FAM13C: variants seen among roughly 807,000 people sequenced by gnomAD.
The protein encoded by FAM13C is family with sequence similarity 13 member C.
In FAM13C, 37 loss-of-function variants were observed where a neutral mutation model predicts 73.2. That is an observed-to-expected ratio of 0.51 (90% CI 0.39 to 0.67). The LOEUF (loss-of-function observed/expected upper bound fraction) is 0.67, where lower values mean the gene tolerates loss of function less well. Among genes scored for constraint, FAM13C ranks in the 30% least tolerant of loss-of-function variants. The pLI is 0.00. For missense variants in FAM13C, 589 were observed against 715.6 expected, an observed-to-expected ratio of 0.82 and a Z score of 2.02; for synonymous variants, 246 against 260.9, an observed-to-expected ratio of 0.94 and a Z score of 0.55.
intron 10 of FAM13C, 122 bp from the exon 11 acceptor site, chr10:59,254,565 A>G: frequency 2.4e-6 from 1 of 421,284 alleles, no homozygotes; most frequent in Non-Finnish European, 4.2e-6. Context: ...AGTTATCATG[A>G]AAAGGAAAGT....
At chr10:59,325,220 T>A (rs1272841178) in intron 3 of FAM13C, among the ~76,000 whole-genome samples, 2 of 152,072 alleles carry the variant, frequency 1.3e-5, no homozygotes, top group South Asian at 2.1e-4. Flanking sequence ...CTATTAAGGG[T>A]GTGGGTTGAA....
chr10:59,298,006 T>C (rs1274516792), intron 5 of FAM13C, among the ~76,000 whole-genome samples: 2 of 152,384 alleles, frequency 1.3e-5, no homozygotes, highest in East Asian at 3.9e-4. Flanking sequence ...TTTACTGGTG[T>C]GCAAAAGACT....
At chr10:59,358,241 G>A (rs775603475) in intron 1 of FAM13C, among the ~76,000 whole-genome samples, 16 of 152,124 alleles carry the variant, frequency 1.1e-4, no homozygotes, top group Non-Finnish European at 1.6e-4. Flanking sequence ...AGCTGGGTGT[G>A]GTGGCACACA....
chr10:59,339,675 C>G (rs1853233447), intron 3 of FAM13C, among the ~76,000 whole-genome samples: 1 of 152,122 alleles, frequency 6.6e-6, no homozygotes, highest in African/African-American at 2.4e-5. Context: ...GATGAAACAC[C>G]ACGTTACCAA....
chr10:59,308,373 C>T (rs1848492757), intron 4 of FAM13C, among the ~76,000 whole-genome samples: 1 of 151,960 alleles, frequency 6.6e-6, no homozygotes, highest in African/African-American at 2.4e-5. Context: ...CCACTACCAC[C>T]ACCACCATTA....
intron 4 of FAM13C, among the ~76,000 whole-genome samples, chr10:59,309,675 C>T (rs1040196450): frequency 1.3e-5 from 2 of 152,210 alleles, no homozygotes; most frequent in Non-Finnish European, 2.9e-5. Flanking sequence ...GTATTCTGAT[C>T]TTCTACTTTC....
In FAM13C at chr10:59,330,132, C is replaced by T. The variant is rs148096408; in HGVS notation, c.325-6026G>A. The stretch of plus-strand genomic sequence containing the variant: ...ACAGCTTTGATATACAGTTCTTGAT[C>T]GATTTGGGAGGAATTGCATTAATTC... On this transcript the variant is annotated intron_variant, in intron 3 of 13. Coordinates refer to ENST00000618804, the MANE Select transcript of FAM13C (RefSeq NM_198215.4). 3.7e-3 allele frequency among the ~76,000 whole-genome samples: 568 copies of T among 152,176 alleles called. 1 individual carries two copies. The highest frequency in any genetic ancestry group is 0.013 in the African/African-American group (519 of 41,496).
chr10:59,355,822 A>G, intron 2 of FAM13C, 65 bp downstream of exon 2: 1 of 1,412,236 alleles, frequency 7.1e-7, no homozygotes, highest in African/African-American at 1.4e-5. Context: ...AATTCAAAGG[A>G]AAGCCACCAG....
At chr10:59,254,112 G>T (rs1197911316) in intron 11 of FAM13C, 1 of 392,026 alleles carries the variant, frequency 2.6e-6, no homozygotes, top group East Asian at 3.6e-5. Flanking sequence ...TGTTAAAATT[G>T]GCTCTAGACA....
intron 9 of FAM13C, 25 bp from the exon 10 acceptor site, chr10:59,262,670 A>C: frequency 6.3e-7 from 1 of 1,594,180 alleles, no homozygotes; most frequent in Non-Finnish European, 8.6e-7. Flanking sequence ...ATGAGTTATC[A>C]TAAGCAAAGA....
chr10:59,278,179 C>T (rs910800374), intron 6 of FAM13C, among the ~76,000 whole-genome samples: 2 of 152,088 alleles, frequency 1.3e-5, no homozygotes, highest in African/African-American at 4.8e-5. Flanking sequence ...AAGACCTGCC[C>T]CCATGATTCA....
At chr10:59,337,828 T>C (rs1032228567) in intron 3 of FAM13C, among the ~76,000 whole-genome samples, 1 of 151,796 alleles carries the variant, frequency 6.6e-6, no homozygotes, top group African/African-American at 2.4e-5. Flanking sequence ...TACAGGCACC[T>C]GCCACCATGC....
chr10:59,266,593 C>A (rs1221332298), intron 8 of FAM13C, among the ~76,000 whole-genome samples: 9 of 152,214 alleles, frequency 5.9e-5, no homozygotes, highest in African/African-American at 1.4e-4. Flanking sequence ...TCTATAGACA[C>A]TGAAGCAGCG....
chr10:59,340,338 C>T (rs1376317571), intron 3 of FAM13C, among the ~76,000 whole-genome samples: 1 of 152,086 alleles, frequency 6.6e-6, no homozygotes, highest in African/African-American at 2.4e-5. Flanking sequence ...CCTGCTTCTC[C>T]CTCATTCTGA....
chr10:59,353,748 G>C (rs1371312531), intron 2 of FAM13C, among the ~76,000 whole-genome samples: 1 of 152,138 alleles, frequency 6.6e-6, no homozygotes, highest in Non-Finnish European at 1.5e-5. Context: ...AGTTGGACAA[G>C]ATATAAAAAT....
chr10:59,304,834 C>T (rs58724918), intron 4 of FAM13C, among the ~76,000 whole-genome samples: 6 of 33,658 alleles, frequency 1.8e-4, no homozygotes, highest in African/African-American at 7.1e-4. Context: ...GGGGAGGGGG[C>T]GGGGGAGGGG....
chr10:59,334,007 A>G (rs532995107), intron 3 of FAM13C, among the ~76,000 whole-genome samples: 25 of 152,216 alleles, frequency 1.6e-4, no homozygotes, highest in Non-Finnish European at 2.6e-4. Context: ...TTTTAAAGAC[A>G]TTGTGGAAGC....
chr10:59,287,920 T>A (rs959076205), intron 5 of FAM13C, among the ~76,000 whole-genome samples: 1 of 152,190 alleles, frequency 6.6e-6, no homozygotes, highest in Non-Finnish European at 1.5e-5. Flanking sequence ...CCCAGGGTCT[T>A]ATTTCTGCAC....
intron 3 of FAM13C, among the ~76,000 whole-genome samples, chr10:59,339,653 C>T (rs1461407016): frequency 6.6e-6 from 1 of 152,172 alleles, no homozygotes; most frequent in Admixed American, 6.5e-5. Flanking sequence ...GCACAGTCAA[C>T]CCAGCATCAC....
Sources: allele counts gnomAD v4.1 joint callset (sites outside exome capture counted in the v4.1 genomes callset), GRCh38; gene constraint gnomAD v4.1.1; transcripts MANE v1.5; gene names NCBI Gene and HGNC (gene_info 2026-07-23, HGNC 2026-07-21).